Variants in FBN2 observed in about 807,000 individuals in gnomAD.
The protein encoded by FBN2 is fibrillin 2.
FBN2 carries 105 observed loss-of-function variants against 355.6 expected under a neutral mutation model. The observed-to-expected ratio is 0.30, with a 90% CI of 0.25 to 0.35. The LOEUF (loss-of-function observed/expected upper bound fraction) is 0.35. Among genes scored for constraint, FBN2 ranks in the 10% least tolerant of loss-of-function variants. FBN2 has a pLI of 1.00. For synonymous variants in FBN2, 1,350 were observed against 1,301.2 expected (o/e 1.04, Z -0.81); for missense variants, 3,280 against 3,758.7 (o/e 0.87, Z 3.33).
At chr5:128,283,277 C>A (rs1243998099) in intron 55 of FBN2, among the ~76,000 whole-genome samples, 1 of 152,216 alleles carries the variant, frequency 6.6e-6, no homozygotes, top group Non-Finnish European at 1.5e-5. Flanking sequence ...GCTACTGCCA[C>A]ATGTATTGAT....
At chr5:128,300,112 T>A (rs987628418) in intron 48 of FBN2, among the ~76,000 whole-genome samples, 10 of 152,222 alleles carry the variant, frequency 6.6e-5, no homozygotes, top group African/African-American at 2.2e-4. Context: ...CCAAGGGCGA[T>A]AGAATTGGAT....
chr5:128,466,416 A>G (rs1232905285), intron 5 of FBN2, among the ~76,000 whole-genome samples: 1 of 152,218 alleles, frequency 6.6e-6, no homozygotes, highest in East Asian at 1.9e-4. Context: ...TAAAGGAGGA[A>G]GAGTCAATAA....
chr5:128,478,299 A>G (rs1405036517), intron 5 of FBN2, among the ~76,000 whole-genome samples: 3 of 152,212 alleles, frequency 2.0e-5, no homozygotes, highest in African/African-American at 7.2e-5. Flanking sequence ...AAGTTCCAAT[A>G]TAATCTGCAG....
At chr5:128,306,991 G>A in intron 42 of FBN2, 144 bp downstream of exon 42, 3 of 650,532 alleles carry the variant, frequency 4.6e-6, no homozygotes, top group Non-Finnish European at 8.2e-6. Flanking sequence ...CTGTAAGCCT[G>A]TTATTTCTCT....
intron 7 of FBN2, among the ~76,000 whole-genome samples, chr5:128,433,382 T>G (rs1753675000): frequency 6.6e-6 from 1 of 152,208 alleles, no homozygotes; most frequent in South Asian, 2.1e-4. Context: ...TTTACAAACT[T>G]GTTATAACAT....
At chr5:128,473,717 C>T (rs1436752105) in intron 5 of FBN2, among the ~76,000 whole-genome samples, 1 of 152,194 alleles carries the variant, frequency 6.6e-6, no homozygotes, top group Non-Finnish European at 1.5e-5. Flanking sequence ...AATTTCCTAA[C>T]TCCCAATTAC....
intron 8 of FBN2, among the ~76,000 whole-genome samples, chr5:128,400,061 G>A (rs2126988140): frequency 6.6e-6 from 1 of 151,940 alleles, no homozygotes; most frequent in Non-Finnish European, 1.5e-5. Context: ...AATAGATATA[G>A]GCTGTTTAAA....
chr5:128,330,977 C>T (rs1046402725), intron 32 of FBN2, among the ~76,000 whole-genome samples: 2 of 152,082 alleles, frequency 1.3e-5, no homozygotes, highest in Non-Finnish European at 2.9e-5. Context: ...CTGACTTCTA[C>T]TGAGGGTGAA....
intron 27 of FBN2, among the ~76,000 whole-genome samples, chr5:128,336,535 C>T (rs891115355): frequency 6.6e-6 from 1 of 152,220 alleles, no homozygotes; most frequent in Non-Finnish European, 1.5e-5. Flanking sequence ...CTTACACTGG[C>T]ACGCTCACCT....
In FBN2 at chr5:128,500,369, T is replaced by C. The variant is rs566687379; in HGVS notation, c.628+18904A>G. Among the ~76,000 whole-genome samples the C allele has an allele frequency of 5.3e-4, 78 of 146,798 alleles. 1 individual carries two copies. The South Asian group carries it at 9.5e-3, about 18-fold the overall frequency. Reference sequence around the variant, plus strand: ...ACAGACAAGGAATGAAACGGAAGAGTGTCATAACCCCTCTTCCCTCAAATG... The same window carrying C: ...ACAGACAAGGAATGAAACGGAAGAGCGTCATAACCCCTCTTCCCTCAAATG... On this transcript the variant is annotated intron_variant, in intron 5 of 64. Transcript: ENST00000262464.
Position 128,368,899 on chromosome 5 carries a change from T to C in FBN2, c.2248+283A>G, listed in dbSNP as rs144388289. Among the ~76,000 whole-genome samples, 1,044 of 151,630 alleles carry C rather than the reference T, an allele frequency of 6.9e-3. 19 individuals carry two copies. The highest frequency in any genetic ancestry group is 0.024 in the African/African-American group (983 of 41,318). ...TCACCCTGGCTTCAAGTGATCCTCC[T>C]GCCTGAGCCTCCCAAAGTGCTGGGA... On this transcript the variant is annotated intron_variant, in intron 16 of 64. Coordinates refer to ENST00000262464, the MANE Select transcript of FBN2 (RefSeq NM_001999.4).
chr5:128,344,300 G>T, intron 25 of FBN2, 85 bp downstream of exon 25: 2 of 1,366,462 alleles, frequency 1.5e-6, no homozygotes, highest in Non-Finnish European at 2.1e-6. Context: ...TCAATGAGAG[G>T]ATTAGCTTTT....
intron 7 of FBN2, among the ~76,000 whole-genome samples, chr5:128,433,093 A>AT (rs1306849423): frequency 6.6e-6 from 1 of 152,132 alleles, no homozygotes; most frequent in Non-Finnish European, 1.5e-5. Flanking sequence ...ATGGGGATTA[A>AT]AATTCATGAT....
At chr5:128,405,107 G>A (rs1302250180) in intron 8 of FBN2, among the ~76,000 whole-genome samples, 1 of 152,176 alleles carries the variant, frequency 6.6e-6, no homozygotes, top group African/African-American at 2.4e-5. Context: ...GGAGGCAGAG[G>A]TTGCAGCAAG....
intron 62 of FBN2, 108 bp from the exon 63 acceptor site, chr5:128,263,764 AAC>A: frequency 7.1e-6 from 5 of 702,448 alleles, no homozygotes; most frequent in Non-Finnish European, 1.2e-5. Flanking sequence ...AAATAACTCT[AAC>A]ACAGTATTTT....
intron 19 of FBN2, among the ~76,000 whole-genome samples, chr5:128,357,886 C>G (rs1390346622): frequency 1.3e-5 from 2 of 152,070 alleles, no homozygotes; most frequent in Non-Finnish European, 2.9e-5. Context: ...GTACATAACT[C>G]TCCTCTAGTC....
chr5:128,481,092 G>T (rs1755172349), intron 5 of FBN2, among the ~76,000 whole-genome samples: 1 of 151,952 alleles, frequency 6.6e-6, no homozygotes, highest in Admixed American at 6.6e-5. Flanking sequence ...TCAAAGCCAG[G>T]TTTCACAGCC....
intron 25 of FBN2, among the ~76,000 whole-genome samples, chr5:128,340,189 A>T (rs1353946249): frequency 6.6e-6 from 1 of 152,192 alleles, no homozygotes; most frequent in Non-Finnish European, 1.5e-5. Context: ...TTAATCTAAA[A>T]ATCTGTCAGT....
chr5:128,335,695 A>G lies in FBN2; in HGVS notation c.3725-118T>C, dbSNP rs1046861440. The stretch of plus-strand genomic sequence containing the variant: ...ATTTTTCTCCCCACTATGTGTGTTG[A>G]TTGAACATTATCTTTCTTAGTTCTT... On this transcript the variant is annotated intron_variant, in intron 28 of 64. Transcript: ENST00000262464. 4.1e-6 allele frequency: 5 copies of G among 1,207,846 alleles called. No individual in the cohort carries two copies. In the Admixed American group the frequency reaches 6.8e-5, roughly 16 times the overall value. 74.8% of individuals were successfully genotyped at this position (1,207,846 alleles called of 1,614,324 possible). A position where few individuals can be genotyped will look rare whatever the true frequency, so the allele number is the denominator to read the frequency against.
Sources: gnomAD v4.1 joint callset for allele counts (sites outside exome capture counted in the v4.1 genomes callset) on GRCh38, gnomAD v4.1.1 for gene constraint, MANE v1.5 for transcripts, NCBI Gene and HGNC (gene_info 2026-07-23, HGNC 2026-07-21) for gene names.